NID2: variants seen among roughly 807,000 people sequenced by gnomAD.
NID2 encodes nidogen-2.
In NID2, 83 loss-of-function variants were observed where a neutral mutation model predicts 145.4. That is an observed-to-expected ratio of 0.57 (90% CI 0.48 to 0.69). The LOEUF (loss-of-function observed/expected upper bound fraction) is 0.69, where lower values mean the gene tolerates loss of function less well. Among genes scored for constraint, NID2 ranks in the 30% least tolerant of loss-of-function variants. The pLI is 0.00. For missense variants in NID2, 1,807 were observed against 1,765.7 expected (o/e 1.02, Z -0.42); for synonymous variants, 739 against 701.3 (o/e 1.05, Z -0.85).
In NID2 at chr14:52,046,285, T is replaced by C. The variant is rs372215349; in HGVS notation, c.1430-3354A>G. Among the ~76,000 whole-genome samples the C allele has an allele frequency of 1.2e-3, 159 of 130,218 alleles. 1 individual carries two copies. The highest frequency in any genetic ancestry group is 4.2e-3 in the African/African-American group (141 of 33,752). 85.4% of individuals were successfully genotyped at this position (130,218 alleles called of 152,430 possible). On this transcript the variant is annotated intron_variant, in intron 5 of 21. Coordinates refer to ENST00000216286, the MANE Select transcript of NID2 (RefSeq NM_007361.4). ...TTGCAGTGAGCCGAGATCGCACCAC[T>C]GCACTCCAGCCTGGGCGACAGAGAG... is the stretch of plus-strand genomic sequence containing the variant.
chr14:52,061,327 A>G (rs1394221304), intron 2 of NID2, among the ~76,000 whole-genome samples: 1 of 152,162 alleles, frequency 6.6e-6, no homozygotes, highest in Non-Finnish European at 1.5e-5. Context: ...TCACCTCATT[A>G]TGCTTGGTTA....
intron 5 of NID2, among the ~76,000 whole-genome samples, chr14:52,044,548 G>A (rs1488765307): frequency 1.3e-5 from 2 of 152,096 alleles, no homozygotes; most frequent in African/African-American, 2.4e-5. Context: ...GGGATAACAG[G>A]CGTGAGCCAC....
intron 5 of NID2, among the ~76,000 whole-genome samples, 170 bp from the exon 6 acceptor site, chr14:52,043,101 T>C (rs369061727): frequency 1.3e-5 from 2 of 152,208 alleles, no homozygotes; most frequent in Admixed American, 6.5e-5. Context: ...CTGCTTTGTC[T>C]GCTGGCAAGA....
intron 18 of NID2, chr14:52,009,297 A>T (rs73284361): frequency 6.6e-6 from 1 of 152,244 alleles, no homozygotes; most frequent in Non-Finnish European, 1.5e-5. Flanking sequence ...ATGATTTAAT[A>T]TCATCAACAA....
At chr14:52,055,703 C>T (rs144351159) in intron 3 of NID2, among the ~76,000 whole-genome samples, 1 of 152,254 alleles carries the variant, frequency 6.6e-6, no homozygotes, top group Non-Finnish European at 1.5e-5. Context: ...AGTTTGTATA[C>T]TCCTCTGATA....
At chr14:52,057,970 C>T (rs1892910807) in intron 3 of NID2, among the ~76,000 whole-genome samples, 1 of 152,150 alleles carries the variant, frequency 6.6e-6, no homozygotes, top group Non-Finnish European at 1.5e-5. Flanking sequence ...AAGGAAAAGA[C>T]CAGTAACTTT....
intron 14 of NID2, among the ~76,000 whole-genome samples, chr14:52,015,791 AGT>A (rs930750951): frequency 6.6e-6 from 1 of 152,220 alleles, no homozygotes; most frequent in African/African-American, 2.4e-5. Context: ...GCGACTGGCC[AGT>A]GTGTGTCTTA....
At position 52,020,084 on chromosome 14, in the gene NID2, A is replaced by G. The variant is rs960211996; in HGVS notation, c.2769T>C (p.Tyr923=). The stretch of plus-strand genomic sequence containing the variant: ...CAGGTATGCACTGAAATCCATCCCC[A>G]TAATATCCGGGTTGACAACGGCAGG... ...SFSCRCQPGY[Y]GDGFQCIPDS... The change falls in exon 13 of 22, where the codon TAT becomes TAC. Residue 923 remains tyrosine, a synonymous_variant. Coordinates refer to ENST00000216286, the MANE Select transcript of NID2 (RefSeq NM_007361.4). 1.2e-6 allele frequency: 2 copies of G among 1,613,986 alleles called. No homozygotes were observed. The highest frequency in any genetic ancestry group is 1.7e-5 in the Admixed American group (1 of 60,012).
intron 3 of NID2, among the ~76,000 whole-genome samples, chr14:52,057,192 C>G (rs1892877313): frequency 6.6e-6 from 1 of 152,076 alleles, no homozygotes; most frequent in African/African-American, 2.4e-5. Flanking sequence ...CGGGTGCACA[C>G]CACCACACCC....
intron 12 of NID2, among the ~76,000 whole-genome samples, chr14:52,026,513 T>C (rs1293323215): frequency 6.6e-6 from 1 of 152,364 alleles, no homozygotes; most frequent in Admixed American, 6.5e-5. Flanking sequence ...CAGGGTATGT[T>C]TGGAAAACCT....
At chr14:52,008,038 C>T in intron 18 of NID2, 71 bp from the exon 19 acceptor site, 1 of 1,214,784 alleles carries the variant, frequency 8.2e-7, no homozygotes, top group Non-Finnish European at 1.2e-6. Context: ...TAAGCAGCCC[C>T]CAGTGATCTC....
chr14:52,059,981 A>C (rs989284016), intron 3 of NID2, 143 bp downstream of exon 3: 47 of 556,410 alleles, frequency 8.4e-5, no homozygotes, highest in Non-Finnish European at 1.4e-4. Flanking sequence ...CCAGGGTTGA[A>C]TCTAGTTCCT....
At position 52,011,547 on chromosome 14, in the gene NID2, T is replaced by A; in HGVS notation, c.3550+7A>T. 6.2e-7 allele frequency: 1 copy of A among 1,614,058 alleles called. No individual in the cohort carries two copies. The highest frequency in any genetic ancestry group is 1.1e-5 in the South Asian group (1 of 91,084). ...TGAAATGCAGACTGCTGAGTGAAGCTGCTGACCTGAATTCACGATCGTCTC... is the reference window on the plus strand; with the variant it reads ...TGAAATGCAGACTGCTGAGTGAAGCAGCTGACCTGAATTCACGATCGTCTC... On this transcript the variant is annotated splice_region_variant and intron_variant, in intron 17 of 21. Coordinates refer to ENST00000216286, the MANE Select transcript of NID2 (RefSeq NM_007361.4).
intron 2 of NID2, among the ~76,000 whole-genome samples, chr14:52,066,957 G>A (rs1893238097): frequency 6.6e-6 from 1 of 152,182 alleles, no homozygotes; most frequent in African/African-American, 2.4e-5. Flanking sequence ...CGCAGGTAGA[G>A]ACTGTAAAGC....
At chr14:52,056,836 A>T (rs940700419) in intron 3 of NID2, among the ~76,000 whole-genome samples, 2 of 152,170 alleles carry the variant, frequency 1.3e-5, no homozygotes, top group African/African-American at 4.8e-5. Flanking sequence ...CCTAAACATC[A>T]TAAATACTTA....
Position 52,060,334 on chromosome 14 carries a change from A to G in NID2, c.557T>C (p.Leu186Ser). 1.3e-6 allele frequency: 2 copies of G among 1,576,566 alleles called. No homozygotes were observed. The highest frequency in any genetic ancestry group is 1.7e-6 in the Non-Finnish European group (2 of 1,156,712). ...GTAGCTATCAGACCCATCAGATGCC[A>G]AAACTGCCTGGAAAGTGTTCAGCTG... The part of the protein sequence containing the change: ...SGELNTFQAV[L>S]ASDGSDSYAL... The change falls in exon 3 of 22, where the codon TTG becomes TCG. Residue 186 changes from leucine (L) to serine (S), a missense_variant. Transcript: ENST00000216286.
At chr14:52,032,335 T>C (rs1294232218) in intron 9 of NID2, among the ~76,000 whole-genome samples, 1 of 152,196 alleles carries the variant, frequency 6.6e-6, no homozygotes, top group Admixed American at 6.5e-5. Context: ...AATAAATAAT[T>C]CCAGCACTTT....
intron 9 of NID2, among the ~76,000 whole-genome samples, chr14:52,032,663 C>T (rs945932400): frequency 6.6e-6 from 1 of 152,194 alleles, no homozygotes; most frequent in African/African-American, 2.4e-5. Context: ...TAATTGTCAA[C>T]ATGTTTTGAT....
chr14:52,011,922 A>C, intron 16 of NID2: 1 of 467,254 alleles, frequency 2.1e-6, no homozygotes, highest in Non-Finnish European at 3.9e-6. Context: ...AAATGAGGCC[A>C]ATAGTGTACC....
Sources: gnomAD v4.1 joint callset for allele counts (sites outside exome capture counted in the v4.1 genomes callset) on GRCh38, gnomAD v4.1.1 for gene constraint, MANE v1.5 for transcripts, NCBI Gene and HGNC (gene_info 2026-07-23, HGNC 2026-07-21) for gene names.